HNRNPA2B1: variants seen among roughly 807,000 people sequenced by gnomAD.
HNRNPA2B1 encodes the protein heterogeneous nuclear ribonucleoprotein A2/B1, also known as heterogeneous nuclear ribonucleoproteins A2/B1.
A neutral mutation model predicts 46.3 loss-of-function variants in HNRNPA2B1; 3 were observed. The ratio of observed to expected loss-of-function variants is 0.06; its 90% CI spans 0.03 to 0.17. HNRNPA2B1 has a LOEUF of 0.17. HNRNPA2B1 is among the 10% of genes least tolerant of loss of function. HNRNPA2B1 has a pLI of 1.00. For synonymous variants in HNRNPA2B1, 225 were observed against 133.8 expected (o/e 1.68, Z -4.70); for missense variants, 221 against 418.9 (o/e 0.53, Z 4.12).
rs761023632 is a variant in HNRNPA2B1 at position 26,196,660 on chromosome 7, TG to T, written c.476-3del. The T allele has an allele frequency of 8.7e-6, 14 of 1,610,666 alleles. No homozygotes were observed. The highest frequency in any genetic ancestry group is 1.2e-5 in the Non-Finnish European group (14 of 1,177,766). On this transcript the variant is annotated splice_region_variant and splice_polypyrimidine_tract_variant and intron_variant, in intron 4 of 10. Transcript: ENST00000618183. ...CATTGATGGTATGGTATTTCTGCAC[TG>T]GAATGAAAAATTCAGACTCCTTTTA...
In HNRNPA2B1 at chr7:26,197,387, A is replaced by G. The variant is rs770312430; in HGVS notation, c.192T>C (p.Asp64=). 5 of 1,613,886 alleles carry G rather than the reference A, an allele frequency of 3.1e-6. No homozygotes were observed. The highest frequency in any genetic ancestry group is 1.6e-4 in the Middle Eastern group (1 of 6,084). ...FVTFSSMAEV[D]AAMAARPHSI... ...AATGAGGTCTTGCAGCCATGGCAGCATCAACCTCAGCCATGGATGAAAAAG... is the reference window on the plus strand; with the variant it reads ...AATGAGGTCTTGCAGCCATGGCAGCGTCAACCTCAGCCATGGATGAAAAAG... Residue 64 remains aspartate (D), a synonymous_variant, in exon 3 of 11, where the codon GAT becomes GAC. Transcript: ENST00000618183.
At chr7:26,193,182 C>T in intron 9 of HNRNPA2B1, 69 bp downstream of exon 9, 5 of 1,452,268 alleles carry the variant, frequency 3.4e-6, no homozygotes, top group Non-Finnish European at 4.8e-6. Flanking sequence ...ATGTTATCTT[C>T]CCTTTAAGTC....
intron 8 of HNRNPA2B1, 95 bp downstream of exon 8, chr7:26,193,480 T>C (rs1213852518): frequency 1.3e-6 from 2 of 1,528,830 alleles, no homozygotes; most frequent in South Asian, 1.2e-5. Flanking sequence ...ACAAATTTTA[T>C]GGGCATCTAG....
intron 1 of HNRNPA2B1, chr7:26,199,545 G>A (rs532406990): frequency 7.7e-4 from 117 of 152,314 alleles, no homozygotes; most frequent in African/African-American, 2.7e-3. Context: ...AAACTTCTCA[G>A]TAACAACATT....
intron 6 of HNRNPA2B1, 31 bp downstream of exon 6, chr7:26,196,370 A>G (rs577619250): frequency 1.3e-6 from 2 of 1,534,206 alleles, no homozygotes; most frequent in African/African-American, 1.4e-5. Context: ...AAGCACACTC[A>G]TCCTTTAAAC....
At chr7:26,193,072 A>C (rs1405087792) in intron 9 of HNRNPA2B1, among the ~76,000 whole-genome samples, 179 bp downstream of exon 9, 2 of 152,136 alleles carry the variant, frequency 1.3e-5, no homozygotes, top group East Asian at 1.9e-4. Flanking sequence ...ATTTGATGTC[A>C]TAACTGCTTG....
At chr7:26,197,840 C>T (rs1783818545) in intron 1 of HNRNPA2B1, 108 bp from the exon 2 acceptor site, 5 of 1,603,702 alleles carry the variant, frequency 3.1e-6, no homozygotes, top group Non-Finnish European at 4.2e-6. Flanking sequence ...CCTTTTTCCT[C>T]TCCAAAGGAA....
chr7:26,200,548 A>G, intron 1 of HNRNPA2B1, 24 bp downstream of exon 1: 1 of 1,612,514 alleles, frequency 6.2e-7, no homozygotes, highest in Non-Finnish European at 8.5e-7. Context: ...CTTTTCAATA[A>G]CTCATTGATT....
chr7:26,197,936 C>G, intron 1 of HNRNPA2B1: 2 of 1,002,364 alleles, frequency 2.0e-6, no homozygotes, highest in Non-Finnish European at 2.8e-6. Flanking sequence ...TGTGTTACAC[C>G]AAAAAATTGC....
chr7:26,191,459 C>T lies in HNRNPA2B1; in HGVS notation c.*901G>A, dbSNP rs1247689038. ...AACTGAAGCTTAGAACTATTTTGCTCTACACCCTCAGCTTTCGTTGGCATC... is the reference window on the plus strand; with the variant it reads ...AACTGAAGCTTAGAACTATTTTGCTTTACACCCTCAGCTTTCGTTGGCATC... On this transcript the variant is annotated 3_prime_UTR_variant, in exon 11 of 11. Transcript: ENST00000618183. 1 of 152,132 alleles carries T rather than the reference C, an allele frequency of 6.6e-6. No individual in the cohort carries two copies. Among genetic ancestry groups the T allele is most frequent in the Non-Finnish European group, 1.5e-5 (1 of 67,988 alleles). 9.4% of individuals were successfully genotyped at this position (152,132 alleles called of 1,614,324 possible). A position where few individuals can be genotyped will look rare whatever the true frequency, so the allele number is the denominator to read the frequency against.
intron 6 of HNRNPA2B1, among the ~76,000 whole-genome samples, 195 bp downstream of exon 6, chr7:26,196,206 T>A (rs1365317162): frequency 6.6e-6 from 1 of 152,220 alleles, no homozygotes; most frequent in African/African-American, 2.4e-5. Context: ...TTAATCCAGA[T>A]AAATACAACT....
At chr7:26,194,783 A>G (rs551839775) in intron 7 of HNRNPA2B1, among the ~76,000 whole-genome samples, 61 of 150,126 alleles carry the variant, frequency 4.1e-4, no homozygotes, top group Admixed American at 1.1e-3. Context: ...ACTTTCACAT[A>G]CTGCAAAACA....
In HNRNPA2B1 at chr7:26,197,546, T is replaced by C. The variant is rs181406745; in HGVS notation, c.117+76A>G. ...ATAATAGAATTTTTTACTATGCTGA[T>C]AGTTATTTCCTCCATGATTCACTTA... On this transcript the variant is annotated intron_variant, in intron 2 of 10. Coordinates refer to ENST00000618183, the MANE Select transcript of HNRNPA2B1 (RefSeq NM_002137.4). The C allele has an allele frequency of 6.4e-6, 10 of 1,560,200 alleles. 1 individual carries two copies. The highest frequency in any genetic ancestry group is 4.5e-5 in the South Asian group (4 of 88,272).
In HNRNPA2B1 at chr7:26,193,312, G is replaced by A. The variant is rs760203875; in HGVS notation, c.903C>T (p.Tyr301=). The part of the protein sequence containing the change: ...FGNYNQQPSN[Y]GPMKSGNFGG... ...CAAAGTTTCCACTCTTCATTGGACC[G>A]TAGTTAGAAGGTTGCTGGTTATAAT... The change falls in exon 9 of 11, where the codon TAC becomes TAT. Residue 301 remains tyrosine (Y), a synonymous_variant. Transcript: ENST00000618183. The A allele has an allele frequency of 1.6e-5, 25 of 1,611,020 alleles. No homozygotes were observed. Among genetic ancestry groups the A allele is most frequent in the South Asian group, 4.4e-5 (4 of 91,002 alleles).
At position 26,197,341 on chromosome 7, in the gene HNRNPA2B1, C is replaced by A. The variant is rs542884101; in HGVS notation, c.238G>T (p.Glu80Ter). 2 of 1,613,298 alleles carry A rather than the reference C, an allele frequency of 1.2e-6. No individual in the cohort carries two copies. The highest frequency in any genetic ancestry group is 8.5e-7 in the Non-Finnish European group (1 of 1,179,570). The change falls in exon 3 of 11, where the codon GAG (glutamate) becomes TAG (stop). Residue 80 changes from glutamate to a stop codon, truncating the protein, a stop_gained. Transcript: ENST00000618183. LOFTEE classifies it high-confidence loss of function. ...RPHSIDGRVV[E>*]PKRAVAREES... ...TCTCTTGCTACAGCACGTTTTGGCT[C>A]AACTACTCTCCCATCAATTGAATGA...
intron 1 of HNRNPA2B1, chr7:26,199,711 TGTC>T (rs1247240038): frequency 6.6e-6 from 1 of 152,186 alleles, no homozygotes; most frequent in Non-Finnish European, 1.5e-5. Flanking sequence ...GCGGTTCATC[TGTC>T]GTTTTACTGA....
At chr7:26,193,779 C>A in intron 7 of HNRNPA2B1, 85 bp from the exon 8 acceptor site, 9 of 1,152,424 alleles carry the variant, frequency 7.8e-6, no homozygotes, top group Non-Finnish European at 1.0e-5. Flanking sequence ...TCCAGCTTTC[C>A]AAGTTTCCAT....
chr7:26,200,678 G>C lies in HNRNPA2B1; in HGVS notation c.-101C>G, dbSNP rs562609472. 1.1e-5 allele frequency: 16 copies of C among 1,438,564 alleles called. No homozygotes were observed. Among genetic ancestry groups the C allele is most frequent in the African/African-American group, 1.4e-5 (1 of 71,732 alleles). The allele number at this position is 1,438,564 out of a possible 1,614,324, so 89.1% of individuals were successfully genotyped here. On this transcript the variant is annotated 5_prime_UTR_variant, in exon 1 of 11. Coordinates refer to ENST00000618183, the MANE Select transcript of HNRNPA2B1 (RefSeq NM_002137.4). ...CGGACTCGTCCTGGCGCTGTAGTGA[G>C]AACTGCCGCTGCTCGAGAAACAACT... is the stretch of plus-strand genomic sequence containing the variant.
Position 26,197,030 on chromosome 7 carries a change from T to C in HNRNPA2B1, c.265-13A>G, listed in dbSNP as rs756773223. 1 of 1,599,686 alleles carries C rather than the reference T, an allele frequency of 6.3e-7. No homozygotes were observed. Among genetic ancestry groups the C allele is most frequent in the South Asian group, 1.1e-5 (1 of 90,714 alleles). ...GTTTTCCAGATTCCTAAAATAGTGGTGGGGTAAAAGTCATCCAAACAGAAA... is the reference window on the plus strand; with the variant it reads ...GTTTTCCAGATTCCTAAAATAGTGGCGGGGTAAAAGTCATCCAAACAGAAA... On this transcript the variant is annotated splice_polypyrimidine_tract_variant and intron_variant, in intron 3 of 10. Transcript: ENST00000618183.
Sources: allele counts gnomAD v4.1 joint callset (sites outside exome capture counted in the v4.1 genomes callset), GRCh38; gene constraint gnomAD v4.1.1; transcripts MANE v1.5; gene names NCBI Gene and HGNC (gene_info 2026-07-23, HGNC 2026-07-21).